Variants in SNTG1 observed in about 807,000 individuals in gnomAD.
SNTG1 encodes the protein syntrophin gamma 1, also known as gamma-1-syntrophin.
Under a neutral mutation model 74.7 loss-of-function variants are expected in SNTG1, and 39 were observed. The ratio of observed to expected loss-of-function variants is 0.52; its 90% CI spans 0.40 to 0.68. The LOEUF (loss-of-function observed/expected upper bound fraction) is 0.68. Ranked by LOEUF, SNTG1 falls within the 30% of genes least tolerant of loss-of-function variation. The pLI is 0.00. For missense variants in SNTG1, 685 were observed against 609.5 expected, an observed-to-expected ratio of 1.12 and a Z score of -1.30; for synonymous variants, 254 against 217.1, an observed-to-expected ratio of 1.17 and a Z score of -1.49.
At chr8:50,500,918 G>T (rs2129658937) in intron 8 of SNTG1, among the ~76,000 whole-genome samples, 1 of 152,204 alleles carries the variant, frequency 6.6e-6, no homozygotes, top group South Asian at 2.1e-4. Flanking sequence ...GTCTATCTTT[G>T]CTGGTACTCT....
At chr8:50,746,879 A>G (rs552468219) in intron 17 of SNTG1, among the ~76,000 whole-genome samples, 1 of 147,880 alleles carries the variant, frequency 6.8e-6, no homozygotes, top group South Asian at 2.1e-4. Context: ...AATATATATT[A>G]TATATATACA....
intron 1 of SNTG1, among the ~76,000 whole-genome samples, chr8:50,025,510 C>G (rs570900288): frequency 3.3e-5 from 5 of 152,178 alleles, no homozygotes; most frequent in Admixed American, 1.3e-4. Context: ...TAATTATACT[C>G]AGAGACATAT....
At chr8:50,268,745 C>T (rs2087615043) in intron 2 of SNTG1, among the ~76,000 whole-genome samples, 1 of 151,994 alleles carries the variant, frequency 6.6e-6, no homozygotes, top group Admixed American at 6.6e-5. Flanking sequence ...CGACCTCCGC[C>T]TCCTGAGTTC....
At chr8:50,654,848 C>A (rs188184731) in intron 13 of SNTG1, among the ~76,000 whole-genome samples, 95 of 152,246 alleles carry the variant, frequency 6.2e-4, no homozygotes, top group African/African-American at 2.1e-3. Context: ...TCTGCCTTAA[C>A]TTTGTAATTA....
At chr8:50,228,987 C>T (rs2085479172) in intron 2 of SNTG1, among the ~76,000 whole-genome samples, 1 of 151,544 alleles carries the variant, frequency 6.6e-6, no homozygotes, top group African/African-American at 2.4e-5. Flanking sequence ...ATTTCAATGT[C>T]ATAAGAGGTG....
At chr8:50,634,993 C>A (rs2095029518) in intron 13 of SNTG1, among the ~76,000 whole-genome samples, 1 of 152,118 alleles carries the variant, frequency 6.6e-6, no homozygotes. Context: ...CACAGTAGAC[C>A]TGTGGTATCC....
chr8:50,199,793 G>T (rs889808033), intron 2 of SNTG1, among the ~76,000 whole-genome samples: 1 of 152,104 alleles, frequency 6.6e-6, no homozygotes, highest in South Asian at 2.1e-4. Context: ...CCTTATCTTA[G>T]CAGAGAGTGC....
chr8:50,612,534 G>A (rs2094858043), intron 13 of SNTG1, among the ~76,000 whole-genome samples: 1 of 152,168 alleles, frequency 6.6e-6, no homozygotes, highest in Non-Finnish European at 1.5e-5. Context: ...AGAAAAGAAT[G>A]TTCCACCTTC....
Position 50,370,761 on chromosome 8 carries a change from C to G in SNTG1, c.-27-23451C>G, listed in dbSNP as rs79896770. Reference sequence around the variant, plus strand: ...CCAGAAGTCCCCTGAAGGTGAAGTACAAAGTATGACCCATGAGGAGGTGCA... The same window carrying G: ...CCAGAAGTCCCCTGAAGGTGAAGTAGAAAGTATGACCCATGAGGAGGTGCA... On this transcript the variant is annotated intron_variant, in intron 2 of 18. Transcript: ENST00000642720. Among the ~76,000 whole-genome samples the G allele has an allele frequency of 9.6e-3, 1,458 of 152,104 alleles. 27 individuals carry two copies. Among genetic ancestry groups the G allele is most frequent in the African/African-American group, 0.034 (1,402 of 41,466 alleles).
At chr8:50,415,702 G>A (rs188347441) in intron 4 of SNTG1, among the ~76,000 whole-genome samples, 1 of 152,028 alleles carries the variant, frequency 6.6e-6, no homozygotes, top group East Asian at 1.9e-4. Flanking sequence ...TTTGCATGAT[G>A]CTTGCTATCA....
chr8:50,075,539 T>C (rs1426014132), intron 1 of SNTG1, among the ~76,000 whole-genome samples: 3 of 152,126 alleles, frequency 2.0e-5, no homozygotes, highest in Non-Finnish European at 2.9e-5. Flanking sequence ...TTCTGTAAAA[T>C]GGACCAATCA....
At chr8:50,663,378 G>C (rs150005981) in intron 15 of SNTG1, among the ~76,000 whole-genome samples, 2 of 152,128 alleles carry the variant, frequency 1.3e-5, no homozygotes, top group Admixed American at 6.6e-5. Context: ...AATCCTCTTC[G>C]AATGCAACGT....
At chr8:50,696,855 T>C (rs560170318) in intron 15 of SNTG1, among the ~76,000 whole-genome samples, 8 of 152,242 alleles carry the variant, frequency 5.3e-5, no homozygotes, top group African/African-American at 1.9e-4. Flanking sequence ...AGACATCTAG[T>C]ATTATTTGAA....
chr8:50,707,159 T>A (rs1262208425), intron 16 of SNTG1, among the ~76,000 whole-genome samples: 1 of 152,092 alleles, frequency 6.6e-6, no homozygotes, highest in Non-Finnish European at 1.5e-5. Context: ...ATTTCATGAT[T>A]ATTGAGAAAA....
intron 4 of SNTG1, among the ~76,000 whole-genome samples, chr8:50,406,507 A>G (rs1009775227): frequency 3.3e-5 from 5 of 152,130 alleles, no homozygotes; most frequent in Non-Finnish European, 7.4e-5. Flanking sequence ...TATTCCTTTC[A>G]AATTTGGATG....
At chr8:50,479,911 T>G (rs961690966) in intron 8 of SNTG1, among the ~76,000 whole-genome samples, 2 of 152,178 alleles carry the variant, frequency 1.3e-5, no homozygotes, top group Admixed American at 1.3e-4. Context: ...TAATGAATGC[T>G]GCTGTATTTC....
chr8:50,540,479 T>A (rs2094338466), intron 11 of SNTG1, among the ~76,000 whole-genome samples: 2 of 152,182 alleles, frequency 1.3e-5, no homozygotes, highest in South Asian at 4.1e-4. Flanking sequence ...ATTTTTTTAG[T>A]GCTGTGTTGT....
intron 13 of SNTG1, among the ~76,000 whole-genome samples, chr8:50,639,309 T>C (rs897899677): frequency 4.6e-5 from 7 of 151,990 alleles, no homozygotes; most frequent in Admixed American, 4.6e-4. Flanking sequence ...AATAGGAAAT[T>C]GTGACTAATG....
intron 1 of SNTG1, among the ~76,000 whole-genome samples, chr8:50,062,790 A>G (rs2130947314): frequency 6.6e-6 from 1 of 152,330 alleles, no homozygotes; most frequent in African/African-American, 2.4e-5. Context: ...TGTAAGACTG[A>G]GTGAATTTTC....
Sources: gnomAD v4.1 joint callset for allele counts (sites outside exome capture counted in the v4.1 genomes callset) on GRCh38, gnomAD v4.1.1 for gene constraint, MANE v1.5 for transcripts, NCBI Gene and HGNC (gene_info 2026-07-23, HGNC 2026-07-21) for gene names.